Variants in SFXN5 observed in about 807,000 individuals in gnomAD.
SFXN5 encodes the protein sideroflexin-5.
Under a neutral mutation model 50.2 loss-of-function variants are expected in SFXN5, and 43 were observed. The observed-to-expected ratio is 0.86, with a 90% CI of 0.67 to 1.11. The LOEUF is 1.11. Ranked by LOEUF, SFXN5 falls within the 50% of genes least tolerant of loss-of-function variation. The pLI is 0.00. For missense variants in SFXN5, 463 were observed against 454.1 expected, an observed-to-expected ratio of 1.02 and a Z score of -0.18; for synonymous variants, 203 against 185.8, an observed-to-expected ratio of 1.09 and a Z score of -0.75.
chr2:72,981,817 C>T (rs2105522679), intron 10 of SFXN5, among the ~76,000 whole-genome samples: 1 of 152,296 alleles, frequency 6.6e-6, no homozygotes, highest in Non-Finnish European at 1.5e-5. Flanking sequence ...CTAATTATCC[C>T]CGCCCTTTTC....
Position 72,961,207 on chromosome 2 carries a change from A to C in SFXN5, c.869T>G (p.Val290Gly), listed in dbSNP as rs556141901. Residue 290 changes from valine (V) to glycine (G), a missense_variant, in exon 13 of 14, where the codon GTG (valine) becomes GGG (glycine). Val to Gly is a moderately radical substitution (Grantham distance 109). Coordinates refer to ENST00000272433, the MANE Select transcript of SFXN5 (RefSeq NM_144579.3). The surrounding 1 kb of genome is among the most constrained non-coding windows in gnomAD (Gnocchi z 4.4). ...LQARPRLLLPVQSLVCLAAFG... is the reference protein window; with the variant it reads ...LQARPRLLLPGQSLVCLAAFG... Reference sequence around the variant, plus strand: ...GGCTGCCAGGCACACGAGGCTTTGCACAGGGAGGAGCAGCCGGGGGCGTGC... The same window carrying C: ...GGCTGCCAGGCACACGAGGCTTTGCCCAGGGAGGAGCAGCCGGGGGCGTGC... 1 of 1,554,342 alleles carries C rather than the reference A, an allele frequency of 6.4e-7. No individual in the cohort carries two copies. Among genetic ancestry groups the C allele is most frequent in the South Asian group, 1.2e-5 (1 of 84,750 alleles).
intron 3 of SFXN5, among the ~76,000 whole-genome samples, chr2:73,030,248 C>T (rs1678133206): frequency 6.6e-6 from 1 of 152,190 alleles, no homozygotes; most frequent in Non-Finnish European, 1.5e-5. Flanking sequence ...CATCACTGCA[C>T]TGTTCTGCCC....
intron 13 of SFXN5, among the ~76,000 whole-genome samples, chr2:72,954,546 C>T (rs975946992): frequency 1.4e-4 from 22 of 152,154 alleles, no homozygotes; most frequent in African/African-American, 3.1e-4. Flanking sequence ...AAGAGACACA[C>T]GCTCATAGCC....
Position 73,055,567 on chromosome 2 carries a change from T to C in SFXN5, c.171+2961A>G, listed in dbSNP as rs541242373. On this transcript the variant is annotated intron_variant, in intron 2 of 13. Transcript: ENST00000272433. Reference sequence around the variant, plus strand: ...CTATAATCCCAGCAATCTGGTAGGCTGAGAGGGGTGGATTTCTTTTTTTTC... The same window carrying C: ...CTATAATCCCAGCAATCTGGTAGGCCGAGAGGGGTGGATTTCTTTTTTTTC... 2.9e-3 allele frequency among the ~76,000 whole-genome samples: 439 copies of C among 152,038 alleles called. 1 individual carries two copies. The highest frequency in any genetic ancestry group is 0.01 in the African/African-American group (418 of 41,482).
chr2:72,958,269 C>G (rs1673327175), intron 13 of SFXN5, among the ~76,000 whole-genome samples: 1 of 152,152 alleles, frequency 6.6e-6, no homozygotes, highest in African/African-American at 2.4e-5. Flanking sequence ...AGGTGGTTGA[C>G]TAGGGAGAGA....
intron 12 of SFXN5, among the ~76,000 whole-genome samples, chr2:72,966,050 C>T (rs1468915858): frequency 4.6e-5 from 7 of 152,150 alleles, no homozygotes; most frequent in Admixed American, 4.6e-4. Flanking sequence ...CTGATGTCCC[C>T]CAGGGTGGAA....
chr2:72,989,642 G>A (rs72918402), intron 9 of SFXN5, among the ~76,000 whole-genome samples: 1,650 of 152,116 alleles, frequency 0.011, 33 homozygotes, highest in African/African-American at 0.038. Context: ...AACATACGAC[G>A]GCATGGAAAA....
chr2:73,053,953 G>A (rs924611648), intron 2 of SFXN5, among the ~76,000 whole-genome samples: 3 of 152,222 alleles, frequency 2.0e-5, no homozygotes, highest in African/African-American at 7.2e-5. Flanking sequence ...CTCCAGCATT[G>A]AGGGGGAGCC....
Position 72,961,266 on chromosome 2 carries a change from G to C in SFXN5, c.828-18C>G. On this transcript the variant is annotated intron_variant, in intron 12 of 13. Transcript: ENST00000272433. The surrounding 1 kb of genome is among the most constrained non-coding windows in gnomAD (Gnocchi z 4.4). ...GAGCCGTCCTGTGAGGGAGAGAGGA[G>C]GGAGCCCCATGAGACCCGAAGGTGG... is the stretch of plus-strand genomic sequence containing the variant. 4.7e-6 allele frequency: 7 copies of C among 1,496,958 alleles called. No homozygotes were observed. The highest frequency in any genetic ancestry group is 6.2e-6 in the Non-Finnish European group (7 of 1,129,866). 92.7% of individuals were successfully genotyped at this position (1,496,958 alleles called of 1,614,324 possible). A position where few individuals can be genotyped will look rare whatever the true frequency, so the allele number is the denominator to read the frequency against.
At chr2:72,986,490 G>A (rs1186126128) in intron 10 of SFXN5, among the ~76,000 whole-genome samples, 1 of 152,156 alleles carries the variant, frequency 6.6e-6, no homozygotes, top group African/African-American at 2.4e-5. Flanking sequence ...GCCTGGGTCT[G>A]ACTCCAGCTC....
chr2:72,969,480 C>T (rs1238473293), intron 11 of SFXN5, among the ~76,000 whole-genome samples: 1 of 151,986 alleles, frequency 6.6e-6, no homozygotes, highest in Non-Finnish European at 1.5e-5. Flanking sequence ...CTGCAACCTC[C>T]ACCTCCTGGG....
intron 2 of SFXN5, among the ~76,000 whole-genome samples, chr2:73,054,932 G>T (rs1462685583): frequency 6.6e-6 from 1 of 152,230 alleles, no homozygotes; most frequent in Admixed American, 6.5e-5. Flanking sequence ...TCCAGACAGA[G>T]CCCAGGTAAG....
At chr2:73,047,451 G>T (rs193202883) in intron 2 of SFXN5, among the ~76,000 whole-genome samples, 88 of 149,728 alleles carry the variant, frequency 5.9e-4, no homozygotes, top group African/African-American at 2.0e-3. Flanking sequence ...GCAGGACAAT[G>T]ATATGGTTTG....
At chr2:73,036,501 C>T (rs1679003053) in intron 3 of SFXN5, among the ~76,000 whole-genome samples, 1 of 152,206 alleles carries the variant, frequency 6.6e-6, no homozygotes. Context: ...CAAGCTGCCC[C>T]TCCACCCAGT....
intron 5 of SFXN5, among the ~76,000 whole-genome samples, chr2:73,021,534 G>C (rs1393327826): frequency 6.6e-6 from 1 of 152,164 alleles, no homozygotes; most frequent in Non-Finnish European, 1.5e-5. Context: ...TCACGGCAAA[G>C]CCAGGGGGTC....
intron 2 of SFXN5, among the ~76,000 whole-genome samples, chr2:73,052,359 CGT>C (rs59839344): frequency 0.045 from 6,319 of 141,890 alleles, 166 homozygotes; most frequent in South Asian, 0.093. Context: ...TGTGTGTATG[CGT>C]GTGTGTGTGT....
intron 6 of SFXN5, among the ~76,000 whole-genome samples, chr2:73,008,563 G>T (rs1287063874): frequency 6.6e-6 from 1 of 152,224 alleles, no homozygotes; most frequent in East Asian, 1.9e-4. Flanking sequence ...CCAGGGCCAA[G>T]CCGGGCCCTG....
chr2:72,998,736 C>G, intron 9 of SFXN5: 1 of 571,090 alleles, frequency 1.8e-6, no homozygotes, highest in Non-Finnish European at 3.1e-6. Flanking sequence ...CTCACCTCCC[C>G]ACCTGCTCTC....
At chr2:73,029,217 G>A (rs1006679033) in intron 3 of SFXN5, among the ~76,000 whole-genome samples, 1 of 152,210 alleles carries the variant, frequency 6.6e-6, no homozygotes, top group Admixed American at 6.5e-5. Context: ...TTTGGCCTCT[G>A]CCAAGTCCCT....
Sources: gnomAD v4.1 joint callset for allele counts (sites outside exome capture counted in the v4.1 genomes callset) on GRCh38, gnomAD v4.1.1 for gene constraint, Gnocchi (gnomAD v3.1) non-coding constraint, MANE v1.5 for transcripts, NCBI Gene and HGNC (gene_info 2026-07-23, HGNC 2026-07-21) for gene names.